The following RBFOX1 variants were observed in gnomAD, a reference collection of about 807,000 sequenced individuals.
RBFOX1 encodes RNA binding fox-1 homolog 1.
In RBFOX1, 8 loss-of-function variants were observed where a neutral mutation model predicts 57.7. The ratio of observed to expected loss-of-function variants is 0.14; its 90% CI spans 0.08 to 0.25. The LOEUF is 0.25. Ranked by LOEUF, RBFOX1 falls within the 10% of genes least tolerant of loss-of-function variation. The pLI, the probability that RBFOX1 is intolerant of heterozygous loss-of-function variation, is 1.00. For synonymous variants in RBFOX1, 326 were observed against 222.4 expected (o/e 1.47, Z -4.15); for missense variants, 611 against 548.5 (o/e 1.11, Z -1.14).
At chr16:5,583,429 T>G (rs1462917330) in intron 2 of RBFOX1, among the ~76,000 whole-genome samples, 1 of 152,214 alleles carries the variant, frequency 6.6e-6, no homozygotes, top group African/African-American at 2.4e-5. Context: ...CAAACTGCGT[T>G]CAAATAAGTC....
At chr16:7,297,327 C>T (rs1603552319) in intron 4 of RBFOX1, among the ~76,000 whole-genome samples, 1 of 152,144 alleles carries the variant, frequency 6.6e-6, no homozygotes, top group African/African-American at 2.4e-5. Flanking sequence ...CAGTTGCATC[C>T]CTTCTCTTCT....
chr16:7,294,827 C>G (rs906610923), intron 4 of RBFOX1, among the ~76,000 whole-genome samples: 7 of 152,052 alleles, frequency 4.6e-5, no homozygotes, highest in African/African-American at 1.7e-4. Flanking sequence ...TAAGCAGCAT[C>G]TCTACTGCTG....
intron 11 of RBFOX1, among the ~76,000 whole-genome samples, chr16:7,644,681 C>A (rs1344689827): frequency 1.3e-5 from 2 of 152,178 alleles, no homozygotes; most frequent in Admixed American, 6.5e-5. Flanking sequence ...GTTGGAGACA[C>A]AGTAGGGACC....
At chr16:6,918,923 G>C (rs2073857333) in intron 3 of RBFOX1, among the ~76,000 whole-genome samples, 2 of 152,112 alleles carry the variant, frequency 1.3e-5, no homozygotes, top group African/African-American at 4.8e-5. Context: ...CTGTGATCTA[G>C]TTACGCAGGG....
intron 4 of RBFOX1, among the ~76,000 whole-genome samples, chr16:7,293,601 G>T (rs1039327187): frequency 3.3e-5 from 5 of 152,258 alleles, no homozygotes; most frequent in South Asian, 2.1e-4. Flanking sequence ...GCCAGATGAG[G>T]TTGTGAGAAC....
At chr16:5,638,123 C>G (rs1319875521) in intron 3 of RBFOX1, among the ~76,000 whole-genome samples, 1 of 152,162 alleles carries the variant, frequency 6.6e-6, no homozygotes, top group African/African-American at 2.4e-5. Flanking sequence ...TTCATAGATA[C>G]AGTGCTGAGC....
intron 4 of RBFOX1, among the ~76,000 whole-genome samples, chr16:7,475,861 A>C (rs1377427190): frequency 2.6e-5 from 4 of 152,208 alleles, no homozygotes; most frequent in East Asian, 1.9e-4. Context: ...GGTAGCATTT[A>C]TTTGGTGCTT....
intron 14 of RBFOX1, among the ~76,000 whole-genome samples, chr16:7,688,679 A>G (rs993111526): frequency 6.6e-6 from 1 of 152,142 alleles, no homozygotes; most frequent in African/African-American, 2.4e-5. Flanking sequence ...TAAGTGTACC[A>G]CCAGCTGAGG....
intron 3 of RBFOX1, among the ~76,000 whole-genome samples, chr16:5,856,345 A>ATG (rs1354472334): frequency 2.2e-5 from 3 of 136,380 alleles, no homozygotes; most frequent in Middle Eastern, 3.7e-3. Context: ...TTATATATAT[A>ATG]TATATATAAT....
At chr16:6,249,782 T>TC (rs1394127798) in intron 1 of RBFOX1, among the ~76,000 whole-genome samples, 1 of 151,434 alleles carries the variant, frequency 6.6e-6, no homozygotes, top group Non-Finnish European at 1.5e-5. Context: ...CTTTTTTTTT[T>TC]TTTTTATTAT....
At chr16:6,693,596 A>G (rs1212852688) in intron 3 of RBFOX1, among the ~76,000 whole-genome samples, 1 of 150,608 alleles carries the variant, frequency 6.6e-6, no homozygotes, top group African/African-American at 2.5e-5. Context: ...ATCCTCCACT[A>G]CCATCACCAC....
chr16:7,603,693 A>G (rs1403197668), intron 9 of RBFOX1, among the ~76,000 whole-genome samples: 1 of 152,164 alleles, frequency 6.6e-6, no homozygotes, highest in African/African-American at 2.4e-5. Flanking sequence ...TAAAGATGAA[A>G]ATGGCCAGTG....
intron 2 of RBFOX1, among the ~76,000 whole-genome samples, chr16:6,466,267 A>G (rs1197476512): frequency 6.6e-6 from 1 of 151,894 alleles, no homozygotes; most frequent in Non-Finnish European, 1.5e-5. Flanking sequence ...AAAAAAATTG[A>G]AATCATCCAT....
intron 2 of RBFOX1, among the ~76,000 whole-genome samples, chr16:6,340,816 G>C (rs112944303): frequency 0.018 from 2,717 of 152,160 alleles, 81 homozygotes; most frequent in African/African-American, 0.061. Flanking sequence ...CTCCTTTTAC[G>C]CAGCCCCTAT....
chr16:6,788,974 A>G (rs1440950624), intron 3 of RBFOX1, among the ~76,000 whole-genome samples: 1 of 152,084 alleles, frequency 6.6e-6, no homozygotes. Flanking sequence ...GCACAATGGG[A>G]CATGTGGTTT....
At chr16:5,395,843 G>A (rs1295455093) in intron 1 of RBFOX1, among the ~76,000 whole-genome samples, 1 of 152,246 alleles carries the variant, frequency 6.6e-6, no homozygotes, top group Non-Finnish European at 1.5e-5. Context: ...GCAAGGCACT[G>A]TGGGCAGCCT....
chr16:6,417,220 C>T (rs1361686768), intron 2 of RBFOX1, among the ~76,000 whole-genome samples: 3 of 151,872 alleles, frequency 2.0e-5, no homozygotes, highest in African/African-American at 7.3e-5. Context: ...CCATGTTGGC[C>T]AGGCTGGTCT....
At chr16:6,535,797 C>G (rs1014408780) in intron 2 of RBFOX1, among the ~76,000 whole-genome samples, 2 of 152,170 alleles carry the variant, frequency 1.3e-5, no homozygotes, top group African/African-American at 4.8e-5. Context: ...TAGTCACTGC[C>G]TATTTTTATA....
chr16:5,831,418 A>G (rs1416548947), intron 3 of RBFOX1, among the ~76,000 whole-genome samples: 1 of 152,080 alleles, frequency 6.6e-6, no homozygotes, highest in African/African-American at 2.4e-5. Context: ...CGCAGAAGCT[A>G]AGCAGATGTT....
Sources: allele counts gnomAD v4.1 joint callset (sites outside exome capture counted in the v4.1 genomes callset), GRCh38; gene constraint gnomAD v4.1.1; transcripts MANE v1.5; gene names NCBI Gene and HGNC (gene_info 2026-07-23, HGNC 2026-07-21).